The following APP variants were observed in gnomAD, a reference collection of about 807,000 sequenced individuals.
APP encodes amyloid-beta precursor protein.
APP carries 31 observed loss-of-function variants against 101.4 expected under a neutral mutation model. The observed-to-expected ratio is 0.31, with a 90% CI of 0.23 to 0.41. The LOEUF is 0.41. Ranked by LOEUF, APP falls within the 10% of genes least tolerant of loss-of-function variation. The pLI, the probability that APP is intolerant of heterozygous loss-of-function variation, is 1.00. For synonymous variants in APP, 366 were observed against 364.4 expected (o/e 1.00, Z -0.05); for missense variants, 839 against 1,003.7 (o/e 0.84, Z 2.22).
intron 1 of APP, among the ~76,000 whole-genome samples, chr21:26,144,792 T>C (rs545251553): frequency 2.6e-4 from 40 of 152,304 alleles, no homozygotes; most frequent in African/African-American, 8.9e-4. Flanking sequence ...AAAAATGATA[T>C]TACAAGCACC....
intron 8 of APP, among the ~76,000 whole-genome samples, chr21:25,990,907 T>C (rs979544950): frequency 1.3e-5 from 2 of 152,178 alleles, no homozygotes; most frequent in African/African-American, 4.8e-5. Flanking sequence ...ACTGCAAAGA[T>C]ACGGAACCAA....
At chr21:25,989,865 A>G (rs949024382) in intron 8 of APP, among the ~76,000 whole-genome samples, 5 of 152,156 alleles carry the variant, frequency 3.3e-5, no homozygotes, top group Admixed American at 2.0e-4. Flanking sequence ...TTAATCTTGA[A>G]ACATGGCAGA....
chr21:25,962,011 T>C (rs1272349652), intron 11 of APP, among the ~76,000 whole-genome samples: 1 of 152,190 alleles, frequency 6.6e-6, no homozygotes, highest in Admixed American at 6.5e-5. Context: ...AGTCTGGTTA[T>C]ATTGGCATTA....
chr21:26,046,445 A>T (rs2045613708), intron 5 of APP, among the ~76,000 whole-genome samples: 1 of 151,076 alleles, frequency 6.6e-6, no homozygotes, highest in Admixed American at 6.6e-5. Flanking sequence ...AAAAAAAAAA[A>T]CTCTTCCAAG....
chr21:26,042,757 C>A (rs892418624), intron 5 of APP, among the ~76,000 whole-genome samples: 1 of 151,802 alleles, frequency 6.6e-6, no homozygotes, highest in African/African-American at 2.4e-5. Context: ...ATAAATAAAT[C>A]AAAATAAATT....
chr21:26,013,278 T>C (rs1190202557), intron 6 of APP, among the ~76,000 whole-genome samples: 3 of 151,940 alleles, frequency 2.0e-5, no homozygotes, highest in African/African-American at 4.8e-5. Context: ...GATCGCGCCA[T>C]TGCACTCCAG....
At chr21:25,983,575 A>G (rs2042521265) in intron 8 of APP, among the ~76,000 whole-genome samples, 1 of 152,266 alleles carries the variant, frequency 6.6e-6, no homozygotes, top group Non-Finnish European at 1.5e-5. Context: ...ATCTTAATCC[A>G]AAGTCTTCAA....
intron 13 of APP, among the ~76,000 whole-genome samples, chr21:25,914,800 G>T (rs543617718): frequency 5.3e-5 from 8 of 152,204 alleles, no homozygotes; most frequent in Admixed American, 2.6e-4. Context: ...TGATCCGCCC[G>T]CCTCGGCTTC....
chr21:26,111,573 T>C (rs181390683), intron 2 of APP, among the ~76,000 whole-genome samples: 123 of 151,006 alleles, frequency 8.1e-4, no homozygotes, highest in Middle Eastern at 3.4e-3. Flanking sequence ...CCATCTCTAC[T>C]AAAAATTAAA....
chr21:25,903,057 G>A (rs1465374954), intron 15 of APP, among the ~76,000 whole-genome samples: 1 of 145,118 alleles, frequency 6.9e-6, no homozygotes, highest in African/African-American at 2.6e-5. Context: ...GTTAGATTTA[G>A]ATTAAAAAAA....
At position 25,912,009 on chromosome 21, in the gene APP, C is replaced by A. The variant is rs200356549; in HGVS notation, c.1688-47G>T. On this transcript the variant is annotated intron_variant, in intron 13 of 17. Coordinates refer to ENST00000346798, the MANE Select transcript of APP (RefSeq NM_000484.4). ...CTTTGGTGAGTAACAACAATCACAA[C>A]AGCAGCAGCAGCAGCAGCCACCATT... 3 of 1,259,012 alleles carry A rather than the reference C, an allele frequency of 2.4e-6. No homozygotes were observed. In the African/African-American group the frequency reaches 4.4e-5, roughly 19 times the overall value. The allele number at this position is 1,259,012 out of a possible 1,614,324, so 78.0% of individuals were successfully genotyped here.
In APP at chr21:25,911,772, A is replaced by C. The variant is rs1440702581; in HGVS notation, c.1878T>G (p.Ala626=). 6.2e-7 allele frequency: 1 copy of C among 1,614,116 alleles called. No individual in the cohort carries two copies. The highest frequency in any genetic ancestry group is 1.1e-5 in the South Asian group (1 of 91,074). The change falls in exon 14 of 18, where the codon GCT becomes GCG. Residue 626 remains alanine (A), a synonymous_variant. Transcript: ENST00000346798. ...TTTCTGTGTTGGCTGGCACAGAGTC[A>C]GCCCCAAAAGAATGCCACGGCTGGA... ...DDLQPWHSFG[A]DSVPANTENE...
chr21:26,040,486 C>T (rs1365012177), intron 5 of APP, among the ~76,000 whole-genome samples: 1 of 151,884 alleles, frequency 6.6e-6, no homozygotes, highest in Admixed American at 6.6e-5. Context: ...CCTGTAATCC[C>T]AGCGACTCGG....
Position 25,880,843 on chromosome 21 carries a change from A to C in APP, c.*827T>G, listed in dbSNP as rs1461552865. Reference sequence around the variant, plus strand: ...ATTTATTTATGTAATACAGTGTAGAAAGCGATCATGTCATAAGCAATGATT... The same window carrying C: ...ATTTATTTATGTAATACAGTGTAGACAGCGATCATGTCATAAGCAATGATT... On this transcript the variant is annotated 3_prime_UTR_variant, in exon 18 of 18. Coordinates refer to ENST00000346798, the MANE Select transcript of APP (RefSeq NM_000484.4). The C allele has an allele frequency of 2.0e-5, 3 of 152,634 alleles. No individual in the cohort carries two copies. The highest frequency in any genetic ancestry group is 4.8e-5 in the African/African-American group (2 of 41,428). 9.5% of individuals were successfully genotyped at this position (152,634 alleles called of 1,614,324 possible).
chr21:26,059,729 A>T (rs1465005203), intron 3 of APP, among the ~76,000 whole-genome samples: 1 of 152,000 alleles, frequency 6.6e-6, no homozygotes, highest in African/African-American at 2.4e-5. Context: ...TCTCTACTAA[A>T]AATACAAAAA....
chr21:25,887,758 T>C (rs1290850030), intron 17 of APP, among the ~76,000 whole-genome samples: 4 of 152,188 alleles, frequency 2.6e-5, no homozygotes, highest in African/African-American at 9.6e-5. Flanking sequence ...AGCAATATGC[T>C]GCACAGGTGT....
chr21:26,101,139 C>T (rs150247323), intron 2 of APP, among the ~76,000 whole-genome samples: 3,454 of 123,210 alleles, frequency 0.028, 107 homozygotes, highest in East Asian at 0.15. Context: ...CTCACTCTGT[C>T]GCCAGGCTGG....
intron 8 of APP, among the ~76,000 whole-genome samples, chr21:25,987,121 T>C (rs576078643): frequency 6.6e-6 from 1 of 152,364 alleles, no homozygotes; most frequent in South Asian, 2.1e-4. Flanking sequence ...TTTGTTATGA[T>C]GTCCGTTGGC....
intron 13 of APP, among the ~76,000 whole-genome samples, chr21:25,948,752 C>A (rs765965848): frequency 6.6e-6 from 1 of 152,002 alleles, no homozygotes; most frequent in Non-Finnish European, 1.5e-5. Context: ...ACCTCAGTGC[C>A]AATACAAAGA....
Sources: allele counts gnomAD v4.1 joint callset (sites outside exome capture counted in the v4.1 genomes callset), GRCh38; gene constraint gnomAD v4.1.1; transcripts MANE v1.5; gene names NCBI Gene and HGNC (gene_info 2026-07-23, HGNC 2026-07-21).